The following KIR2DL3 variants were observed in gnomAD, a reference collection of about 807,000 sequenced individuals.
KIR2DL3 encodes killer cell immunoglobulin like receptor, two Ig domains and long cytoplasmic tail 3, also known as killer cell immunoglobulin-like receptor 2DL3.
In KIR2DL3, 39 loss-of-function variants were observed where a neutral mutation model predicts 33.8. That is an observed-to-expected ratio of 1.15 (90% CI 0.89 to 1.51). The LOEUF (loss-of-function observed/expected upper bound fraction) is 1.51. Among genes scored for constraint, KIR2DL3 ranks in the 40% most tolerant of loss-of-function variants. KIR2DL3 has a pLI of 0.00. For synonymous variants in KIR2DL3, 174 were observed against 160.2 expected (o/e 1.09, Z -0.65); for missense variants, 462 against 426.2 (o/e 1.08, Z -0.74).
Position 54,742,190 on chromosome 19 carries a change from T to A in KIR2DL3, c.281T>A (p.Leu94His). ...TCCATCGGTCCCATGATGCAAGACCTTGCAGGGACCTACAGATGCTACGGT... is the reference window on the plus strand; with the variant it reads ...TCCATCGGTCCCATGATGCAAGACCATGCAGGGACCTACAGATGCTACGGT... ...NFSIGPMMQD[L>H]AGTYRCYGSV... Residue 94 changes from leucine (L) to histidine (H), a missense_variant, in exon 3 of 8, where the codon CTT becomes CAT. Leu to His is a moderately conservative substitution (Grantham distance 99). Coordinates refer to ENST00000342376, the MANE Select transcript of KIR2DL3 (RefSeq NM_015868.3). The A allele has an allele frequency of 6.2e-7, 1 of 1,614,158 alleles. No homozygotes were observed. Among genetic ancestry groups the A allele is most frequent in the Non-Finnish European group, 8.5e-7 (1 of 1,180,030 alleles).
intron 1 of KIR2DL3, 101 bp from the exon 2 acceptor site, chr19:54,739,406 C>G: frequency 6.3e-7 from 1 of 1,595,918 alleles, no homozygotes; most frequent in Non-Finnish European, 8.6e-7. Flanking sequence ...TAACTTCAGC[C>G]CAGGAAGGGC....
chr19:54,740,783 G>C (rs1366317215), intron 2 of KIR2DL3, among the ~76,000 whole-genome samples: 1 of 152,092 alleles, frequency 6.6e-6, no homozygotes, highest in Non-Finnish European at 1.5e-5. Flanking sequence ...AGGGACTGAA[G>C]GGGAAGATGG....
At chr19:54,744,231 G>A in intron 4 of KIR2DL3, 143 bp downstream of exon 4, 2 of 1,325,284 alleles carry the variant, frequency 1.5e-6, no homozygotes, top group Non-Finnish European at 2.1e-6. Context: ...GGCACAGGAT[G>A]GCAGACAGGG....
At chr19:54,745,075 G>A (rs1301183456) in intron 4 of KIR2DL3, among the ~76,000 whole-genome samples, 1 of 149,932 alleles carries the variant, frequency 6.7e-6, no homozygotes, top group South Asian at 2.1e-4. Flanking sequence ...TGAGAAATGG[G>A]AATCTTTGTA....
chr19:54,738,722 G>A (rs1345891650), intron 1 of KIR2DL3, 143 bp downstream of exon 1: 9 of 1,332,332 alleles, frequency 6.8e-6, no homozygotes, highest in Non-Finnish European at 8.5e-6. Context: ...CTGGAGTGGA[G>A]ATCTGGGCCT....
intron 5 of KIR2DL3, among the ~76,000 whole-genome samples, chr19:54,750,824 G>A (rs191171918): frequency 3.0e-5 from 4 of 134,156 alleles, no homozygotes; most frequent in African/African-American, 1.1e-4. Flanking sequence ...AAAGCTACTC[G>A]GGACATATGG....
rs368614781 is a variant in KIR2DL3 at position 54,752,175 on chromosome 19, A to T, written c.821-41A>T. 100 of 1,451,746 alleles carry T rather than the reference A, an allele frequency of 6.9e-5. 18 individuals carry two copies. Among genetic ancestry groups the T allele is most frequent in the African/African-American group, 9.3e-5 (6 of 64,588 alleles). 89.9% of individuals were successfully genotyped at this position (1,451,746 alleles called of 1,614,324 possible). On this transcript the variant is annotated intron_variant, in intron 6 of 7. Coordinates refer to ENST00000342376, the MANE Select transcript of KIR2DL3 (RefSeq NM_015868.3). The stretch of plus-strand genomic sequence containing the variant: ...TCTGCTTATGAAATGAGGGCCCAGA[A>T]GTGCCCTCTGAGCTGTTTTGTTGAC...
chr19:54,746,906 C>T (rs1306085396), intron 4 of KIR2DL3, among the ~76,000 whole-genome samples: 3 of 147,748 alleles, frequency 2.0e-5, no homozygotes, highest in African/African-American at 7.5e-5. Flanking sequence ...TGATTGAACC[C>T]AGGAGGCTGT....
chr19:54,738,808 C>G (rs1487646123), intron 1 of KIR2DL3, among the ~76,000 whole-genome samples: 4 of 143,980 alleles, frequency 2.8e-5, no homozygotes, highest in Non-Finnish European at 6.0e-5. Context: ...AGACATGGGC[C>G]TGGAGATGGA....
At chr19:54,739,463 G>C (rs774403514) in intron 1 of KIR2DL3, 44 bp from the exon 2 acceptor site, 17 of 1,613,510 alleles carry the variant, frequency 1.1e-5, no homozygotes, top group Non-Finnish European at 8.5e-7. Flanking sequence ...AGGGAGGCCT[G>C]GTTTGCCTGC....
rs373920368 is a variant in KIR2DL3, at chr19:54,744,455, C to A, written c.664+367C>A. Among the ~76,000 whole-genome samples the A allele has an allele frequency of 2.7e-4, 41 of 152,258 alleles. No individual in the cohort carries two copies. In the East Asian group the frequency reaches 5.2e-3, roughly 19 times the overall value. ...ACACAGGGATGTCATCACCAGCAAC[C>A]CCTACACCCTTTACTTTTGTTTGAA... is the stretch of plus-strand genomic sequence containing the variant. On this transcript the variant is annotated intron_variant, in intron 4 of 7. Transcript: ENST00000342376.
chr19:54,745,735 A>G (rs1247527453), intron 4 of KIR2DL3, among the ~76,000 whole-genome samples: 1 of 151,564 alleles, frequency 6.6e-6, no homozygotes, highest in Non-Finnish European at 1.5e-5. Context: ...TCCTACCAAC[A>G]GGGTATTAGG....
At chr19:54,745,600 C>A (rs1287440496) in intron 4 of KIR2DL3, among the ~76,000 whole-genome samples, 1 of 150,634 alleles carries the variant, frequency 6.6e-6, no homozygotes, top group Non-Finnish European at 1.5e-5. Context: ...ATGACCTCAA[C>A]TGAGGTGCCC....
At chr19:54,744,262 C>T (rs538399079) in intron 4 of KIR2DL3, among the ~76,000 whole-genome samples, 174 bp downstream of exon 4, 84 of 151,998 alleles carry the variant, frequency 5.5e-4, no homozygotes, top group South Asian at 2.5e-3. Flanking sequence ...CCCTCCTACA[C>T]GGCCTGCATG....
At chr19:54,744,954 A>ATATATATATATT (rs1398407460) in intron 4 of KIR2DL3, among the ~76,000 whole-genome samples, 15 of 31,264 alleles carry the variant, frequency 4.8e-4, no homozygotes, top group Non-Finnish European at 7.8e-4. Flanking sequence ...ATATATATAT[A>ATATATATATATT]TTTTTTTTTT....
chr19:54,751,679 G>A lies in KIR2DL3; in HGVS notation c.746G>A (p.Gly249Glu). 6.8e-7 allele frequency: 1 copy of A among 1,479,992 alleles called. No homozygotes were observed. The highest frequency in any genetic ancestry group is 9.2e-7 in the Non-Finnish European group (1 of 1,088,500). The allele number at this position is 1,479,992 out of a possible 1,614,324, so 91.7% of individuals were successfully genotyped here. The stretch of plus-strand genomic sequence containing the variant: ...CCCAGACACCTGCATGTTCTGATTG[G>A]GACCTCAGTGGTCATCATCCTCTTC... ...GNPRHLHVLI[G>E]TSVVIILFIL... is the part of the protein sequence containing the mutation. The change falls in exon 6 of 8, where the codon GGG becomes GAG. Residue 249 changes from glycine to glutamate, a missense_variant. Coordinates refer to ENST00000342376, the MANE Select transcript of KIR2DL3 (RefSeq NM_015868.3).
intron 5 of KIR2DL3, among the ~76,000 whole-genome samples, chr19:54,748,374 A>G (rs567237593): frequency 0.012 from 1,551 of 127,662 alleles, 2 homozygotes; most frequent in Middle Eastern, 0.047. Context: ...AATTCCATCT[A>G]CAATCTTCAT....
rs1056028689 is a variant in KIR2DL3 at position 54,739,961 on chromosome 19, G to A, written c.70+419G>A. Among the ~76,000 whole-genome samples, 25 of 152,220 alleles carry A rather than the reference G, an allele frequency of 1.6e-4. No individual in the cohort carries two copies. The South Asian group carries it at 2.1e-3, about 13-fold the overall frequency. The stretch of plus-strand genomic sequence containing the variant: ...GTTGTTTATTTTCGTTCAGGCATCC[G>A]CTGATATCCATTCACAAAGGACATG... On this transcript the variant is annotated intron_variant, in intron 2 of 7. Transcript: ENST00000342376.
chr19:54,751,363 C>A lies in KIR2DL3; in HGVS notation c.716-286C>A, dbSNP rs1260037272. The stretch of plus-strand genomic sequence containing the variant: ...TTCATGATGGATCCACCTCCATGAC[C>A]CAAACACCTCTCAAGAGGCCCAACC... On this transcript the variant is annotated intron_variant, in intron 5 of 7. Coordinates refer to ENST00000342376, the MANE Select transcript of KIR2DL3 (RefSeq NM_015868.3). Among the ~76,000 whole-genome samples, 20 of 129,184 alleles carry A rather than the reference C, an allele frequency of 1.5e-4. 2 individuals carry two copies. The highest frequency in any genetic ancestry group is 2.0e-4 in the East Asian group (1 of 4,938). 84.7% of individuals were successfully genotyped at this position (129,184 alleles called of 152,430 possible). A position where few individuals can be genotyped will look rare whatever the true frequency, so the allele number is the denominator to read the frequency against.
Sources: gnomAD v4.1 joint callset for allele counts (sites outside exome capture counted in the v4.1 genomes callset) on GRCh38, gnomAD v4.1.1 for gene constraint, MANE v1.5 for transcripts, NCBI Gene and HGNC (gene_info 2026-07-23, HGNC 2026-07-21) for gene names.